Variants in PEBP4 observed in about 807,000 individuals in gnomAD.
The protein encoded by PEBP4 is phosphatidylethanolamine binding protein 4.
A neutral mutation model predicts 23.9 loss-of-function variants in PEBP4; 22 were observed. The observed-to-expected ratio is 0.92, with a 90% CI of 0.66 to 1.31. The LOEUF (loss-of-function observed/expected upper bound fraction) is 1.31. Ranked by LOEUF, PEBP4 falls within the 40% of genes most tolerant of loss-of-function variation. PEBP4 has a pLI of 0.00. For synonymous variants in PEBP4, 112 were observed against 99.3 expected, an observed-to-expected ratio of 1.13 and a Z score of -0.76; for missense variants, 324 against 281.7, an observed-to-expected ratio of 1.15 and a Z score of -1.07.
intron 4 of PEBP4, among the ~76,000 whole-genome samples, chr8:22,789,313 C>T (rs1398512985): frequency 6.6e-6 from 1 of 152,126 alleles, no homozygotes; most frequent in Non-Finnish European, 1.5e-5. Context: ...GAAATCACCC[C>T]TAGAGATCGT....
At chr8:22,738,938 T>C (rs550227306) in intron 4 of PEBP4, among the ~76,000 whole-genome samples, 1 of 151,996 alleles carries the variant, frequency 6.6e-6, no homozygotes, top group African/African-American at 2.4e-5. Context: ...GGGCTGGGCA[T>C]GGTGGGGAGG....
intron 3 of PEBP4, among the ~76,000 whole-genome samples, chr8:22,826,981 A>G (rs1003654358): frequency 8.5e-5 from 13 of 152,236 alleles, no homozygotes; most frequent in African/African-American, 2.9e-4. Context: ...TCTTTCACTG[A>G]TGCTGAGAGG....
intron 2 of PEBP4, chr8:22,924,624 G>C: frequency 1.0e-6 from 1 of 977,258 alleles, no homozygotes. Context: ...TCTGAAGAAC[G>C]GAGCTTTTCA....
At chr8:22,900,418 G>A (rs1022056041) in intron 3 of PEBP4, among the ~76,000 whole-genome samples, 4 of 152,186 alleles carry the variant, frequency 2.6e-5, no homozygotes, top group Non-Finnish European at 2.9e-5. Context: ...GGAGGCTGAG[G>A]TGGGCGGATC....
intron 3 of PEBP4, among the ~76,000 whole-genome samples, chr8:22,862,768 G>T (rs1807804589): frequency 6.6e-6 from 1 of 151,236 alleles, no homozygotes; most frequent in African/African-American, 2.4e-5. Context: ...GTACTGAGGT[G>T]TGAGCCCAGA....
At chr8:22,734,512 A>G (rs1264206294) in intron 4 of PEBP4, among the ~76,000 whole-genome samples, 1 of 152,160 alleles carries the variant, frequency 6.6e-6, no homozygotes, top group African/African-American at 2.4e-5. Context: ...TTTTCCTGGC[A>G]CCTTCATGGG....
At chr8:22,859,794 C>T (rs1319008956) in intron 3 of PEBP4, among the ~76,000 whole-genome samples, 1 of 152,042 alleles carries the variant, frequency 6.6e-6, no homozygotes, top group Non-Finnish European at 1.5e-5. Flanking sequence ...TGCATACAAC[C>T]TACACTCTTA....
chr8:22,723,079 C>T lies in PEBP4; in HGVS notation c.517+1764G>A, dbSNP rs192037398. On this transcript the variant is annotated intron_variant, in intron 6 of 6. Transcript: ENST00000256404. The stretch of plus-strand genomic sequence containing the variant: ...TATAGGTGTGAGCCACCGCGCCCAG[C>T]CTGGGAGGGCCATTTTAAACCCTGT... 1.1e-3 allele frequency among the ~76,000 whole-genome samples: 166 copies of T among 150,814 alleles called. 1 individual carries two copies. In the Middle Eastern group the frequency reaches 0.014, roughly 13 times the overall value.
intron 4 of PEBP4, among the ~76,000 whole-genome samples, chr8:22,749,634 G>A (rs569060351): frequency 5.3e-5 from 8 of 151,994 alleles, no homozygotes; most frequent in South Asian, 2.1e-4. Flanking sequence ...GGGTAGCTGC[G>A]GCCAGCTATG....
At chr8:22,728,168 G>T (rs7815384) in intron 4 of PEBP4, among the ~76,000 whole-genome samples, 31,850 of 152,110 alleles carry the variant, frequency 0.21, 3,564 homozygotes, top group African/African-American at 0.25. Flanking sequence ...GATGCTGGGA[G>T]GATGGGGGAG....
intron 6 of PEBP4, among the ~76,000 whole-genome samples, chr8:22,715,312 G>GCC: frequency 6.6e-6 from 1 of 152,270 alleles, no homozygotes; most frequent in East Asian, 1.9e-4. Flanking sequence ...GAGGGGCTGT[G>GCC]CCTGAGCCTC....
chr8:22,830,353 C>T (rs1201921704), intron 3 of PEBP4, among the ~76,000 whole-genome samples: 1 of 151,962 alleles, frequency 6.6e-6, no homozygotes, highest in Non-Finnish European at 1.5e-5. Flanking sequence ...CCATGTTGGC[C>T]AGGATGGTCT....
intron 4 of PEBP4, among the ~76,000 whole-genome samples, chr8:22,737,680 G>T (rs1165876446): frequency 6.6e-6 from 1 of 152,228 alleles, no homozygotes; most frequent in African/African-American, 2.4e-5. Flanking sequence ...CCATTCTCCT[G>T]CAGGGCAGCC....
intron 6 of PEBP4, among the ~76,000 whole-genome samples, chr8:22,715,171 A>G (rs922775708): frequency 2.6e-5 from 4 of 152,168 alleles, no homozygotes; most frequent in Non-Finnish European, 5.9e-5. Context: ...GGGGGGCTGG[A>G]AAACAAGGGG....
chr8:22,763,933 G>C (rs940411182), intron 4 of PEBP4, among the ~76,000 whole-genome samples: 4 of 152,188 alleles, frequency 2.6e-5, no homozygotes, highest in African/African-American at 9.7e-5. Context: ...CCATGAAGAA[G>C]ACCTGGTCCC....
intron 3 of PEBP4, among the ~76,000 whole-genome samples, chr8:22,839,135 C>T (rs539906353): frequency 2.0e-5 from 3 of 152,304 alleles, no homozygotes; most frequent in South Asian, 2.1e-4. Context: ...TTTCAGATTC[C>T]GGCCTGCAAA....
intron 4 of PEBP4, among the ~76,000 whole-genome samples, chr8:22,771,272 T>A (rs2128754003): frequency 6.6e-6 from 1 of 152,320 alleles, no homozygotes; most frequent in South Asian, 2.1e-4. Context: ...GTGGATCACT[T>A]GAAGTCAAGA....
chr8:22,777,983 C>G (rs751788200), intron 4 of PEBP4, among the ~76,000 whole-genome samples: 1 of 152,178 alleles, frequency 6.6e-6, no homozygotes, highest in Non-Finnish European at 1.5e-5. Flanking sequence ...TTCCCACCAC[C>G]AGCCCCTGCA....
At chr8:22,837,461 T>C (rs1305127181) in intron 3 of PEBP4, among the ~76,000 whole-genome samples, 2 of 152,232 alleles carry the variant, frequency 1.3e-5, no homozygotes, top group Non-Finnish European at 2.9e-5. Flanking sequence ...TGCAAGCTCA[T>C]TGCTGCCCGA....
Sources: gnomAD v4.1 joint callset for allele counts (sites outside exome capture counted in the v4.1 genomes callset) on GRCh38, gnomAD v4.1.1 for gene constraint, MANE v1.5 for transcripts, NCBI Gene and HGNC (gene_info 2026-07-23, HGNC 2026-07-21) for gene names.